IP6K1: variants seen among roughly 807,000 people sequenced by gnomAD.
IP6K1 encodes ATP:1D-myo-inositol-hexakisphosphate phosphotransferase.
IP6K1 carries 13 observed loss-of-function variants against 38.3 expected under a neutral mutation model. That is an observed-to-expected ratio of 0.34 (90% CI 0.22 to 0.54). The LOEUF is 0.54. Among genes scored for constraint, IP6K1 ranks in the 20% least tolerant of loss-of-function variants. The pLI, the probability that IP6K1 is intolerant of heterozygous loss-of-function variation, is 0.92. For synonymous variants in IP6K1, 212 were observed against 229.9 expected, an observed-to-expected ratio of 0.92 and a Z score of 0.70; for missense variants, 397 against 599.8, an observed-to-expected ratio of 0.66 and a Z score of 3.53.
intron 1 of IP6K1, among the ~76,000 whole-genome samples, chr3:49,750,210 C>T (rs1421474542): frequency 3.9e-5 from 6 of 152,132 alleles, no homozygotes; most frequent in Non-Finnish European, 7.4e-5. Context: ...CTGTTCAGTA[C>T]TGTAGATTGG....
At chr3:49,735,514 G>A (rs1236412432) in intron 3 of IP6K1, among the ~76,000 whole-genome samples, 2 of 152,188 alleles carry the variant, frequency 1.3e-5, no homozygotes, top group Non-Finnish European at 1.5e-5. Context: ...GGGGAGTGAA[G>A]GGGAAGCACT....
intron 1 of IP6K1, among the ~76,000 whole-genome samples, chr3:49,780,550 G>C (rs1230209174): frequency 6.6e-6 from 1 of 152,128 alleles, no homozygotes; most frequent in East Asian, 1.9e-4. Flanking sequence ...TATAGCGTCA[G>C]GGCTGCACTG....
intron 1 of IP6K1, among the ~76,000 whole-genome samples, chr3:49,782,458 C>T (rs78464319): frequency 2.6e-4 from 39 of 152,132 alleles, no homozygotes; most frequent in East Asian, 2.5e-3. Flanking sequence ...CTTGAGCCAC[C>T]GCGCCCGGCC....
intron 1 of IP6K1, among the ~76,000 whole-genome samples, chr3:49,776,542 C>CA (rs1262471593): frequency 6.6e-6 from 1 of 151,062 alleles, no homozygotes; most frequent in Admixed American, 6.6e-5. Context: ...CAAATAAATG[C>CA]AAAAAACCAT....
At chr3:49,741,521 CA>C (rs1214242702) in intron 2 of IP6K1, among the ~76,000 whole-genome samples, 1 of 152,050 alleles carries the variant, frequency 6.6e-6, no homozygotes, top group African/African-American at 2.4e-5. Flanking sequence ...TTATTGCTTT[CA>C]AAACATAATC....
intron 1 of IP6K1, among the ~76,000 whole-genome samples, chr3:49,754,842 C>CT (rs920830206): frequency 2.0e-5 from 3 of 152,036 alleles, no homozygotes; most frequent in African/African-American, 7.2e-5. Context: ...GGTATATACT[C>CT]TAAGAAGTTC....
chr3:49,741,828 G>A (rs573574005), intron 2 of IP6K1, among the ~76,000 whole-genome samples: 6 of 152,332 alleles, frequency 3.9e-5, no homozygotes, highest in African/African-American at 1.2e-4. Context: ...CCAGATAGGT[G>A]TTCTCTAAAT....
chr3:49,748,208 G>A, intron 1 of IP6K1, 40 bp from the exon 2 acceptor site: 2 of 685,474 alleles, frequency 2.9e-6, no homozygotes, highest in Non-Finnish European at 4.9e-6. Flanking sequence ...CAAAACACTG[G>A]GTGAGTCACA....
At chr3:49,764,115 G>A (rs2080888778) in intron 1 of IP6K1, among the ~76,000 whole-genome samples, 2 of 152,000 alleles carry the variant, frequency 1.3e-5, no homozygotes, top group South Asian at 2.1e-4. Context: ...GGGTGCGGTG[G>A]CTCATGCCTG....
chr3:49,742,655 T>G (rs764832015), intron 2 of IP6K1, among the ~76,000 whole-genome samples: 2 of 152,242 alleles, frequency 1.3e-5, no homozygotes, highest in South Asian at 4.1e-4. Flanking sequence ...TCCCAGCACA[T>G]TGGGAGGCCA....
At chr3:49,752,771 T>TG (rs1470954540) in intron 1 of IP6K1, among the ~76,000 whole-genome samples, 1 of 150,532 alleles carries the variant, frequency 6.6e-6, no homozygotes, top group South Asian at 2.1e-4. Context: ...TTTTTTTTTT[T>TG]GAGACAGAGT....
intron 1 of IP6K1, among the ~76,000 whole-genome samples, chr3:49,752,816 C>T (rs539513797): frequency 2.9e-4 from 44 of 149,268 alleles, no homozygotes; most frequent in African/African-American, 5.2e-4. Context: ...TGCAGTGGTG[C>T]GATCTTGGCT....
At chr3:49,761,870 C>T (rs2080870801) in intron 1 of IP6K1, among the ~76,000 whole-genome samples, 1 of 151,854 alleles carries the variant, frequency 6.6e-6, no homozygotes, top group South Asian at 2.1e-4. Flanking sequence ...TACTTAAGAC[C>T]AGGAGTTTGA....
intron 1 of IP6K1, among the ~76,000 whole-genome samples, chr3:49,749,223 A>C (rs185572532): frequency 1.7e-4 from 26 of 152,274 alleles, no homozygotes; most frequent in Admixed American, 1.5e-3. Context: ...AGGATCATTA[A>C]GGTTTTGCTT....
chr3:49,733,036 GC>G, intron 3 of IP6K1, 64 bp from the exon 4 acceptor site: 1 of 1,254,746 alleles, frequency 8.0e-7, no homozygotes. Flanking sequence ...GGGTCCCGCT[GC>G]ACAGGGCACA....
chr3:49,782,143 A>T (rs2081070979), intron 1 of IP6K1, among the ~76,000 whole-genome samples: 1 of 151,016 alleles, frequency 6.6e-6, no homozygotes, highest in Non-Finnish European at 1.5e-5. Flanking sequence ...AATTATGCAA[A>T]GATAAAGAAC....
At chr3:49,780,804 A>G (rs1454462326) in intron 1 of IP6K1, among the ~76,000 whole-genome samples, 1 of 152,194 alleles carries the variant, frequency 6.6e-6, no homozygotes, top group African/African-American at 2.4e-5. Flanking sequence ...AAAGCACTAG[A>G]GTTAACATAT....
intron 1 of IP6K1, among the ~76,000 whole-genome samples, chr3:49,762,421 A>T (rs2080875356): frequency 6.6e-6 from 1 of 152,116 alleles, no homozygotes; most frequent in South Asian, 2.1e-4. Flanking sequence ...GGCGCCTGTA[A>T]TCATAGCTAC....
intron 1 of IP6K1, chr3:49,775,302 TA>T: frequency 3.9e-6 from 1 of 258,296 alleles, no homozygotes; most frequent in South Asian, 6.9e-5. Flanking sequence ...AACATCATCC[TA>T]ATTTGATCTT....
Sources: gnomAD v4.1 joint callset for allele counts (sites outside exome capture counted in the v4.1 genomes callset) on GRCh38, gnomAD v4.1.1 for gene constraint, MANE v1.5 for transcripts, NCBI Gene and HGNC (gene_info 2026-07-23, HGNC 2026-07-21) for gene names.